Variants in LOXHD1 observed in about 807,000 individuals in gnomAD.
LOXHD1 encodes lipoxygenase homology domain-containing protein 1.
Under a neutral mutation model 248.2 loss-of-function variants are expected in LOXHD1, and 205 were observed. The ratio of observed to expected loss-of-function variants is 0.83; its 90% CI spans 0.74 to 0.93. The LOEUF is 0.93. Among genes scored for constraint, LOXHD1 ranks in the 40% least tolerant of loss-of-function variants. LOXHD1 has a pLI of 0.00. For synonymous variants in LOXHD1, 1,113 were observed against 1,162.8 expected (o/e 0.96, Z 0.87); for missense variants, 2,930 against 2,971.6 (o/e 0.99, Z 0.33).
chr18:46,498,701 A>G (rs896975658), intron 37 of LOXHD1, among the ~76,000 whole-genome samples: 7 of 152,156 alleles, frequency 4.6e-5, no homozygotes, highest in Non-Finnish European at 7.3e-5. Context: ...TAAAGACACA[A>G]GTCGTCATTG....
In LOXHD1 at chr18:46,521,234, A is replaced by T. The variant is rs1204306440; in HGVS notation, c.5134T>A (p.Leu1712Met). The T allele has an allele frequency of 2.4e-5, 37 of 1,550,808 alleles. No individual in the cohort carries two copies. Among genetic ancestry groups the T allele is most frequent in the Non-Finnish European group, 3.2e-5 (37 of 1,146,762 alleles). Residue 1712 changes from leucine (L) to methionine (M), a missense_variant, in exon 33 of 41, where the codon TTG becomes ATG. Physicochemically the swap from Leu to Met is conservative, Grantham distance 15. Transcript: ENST00000642948. ...SPESCWLVEE[L>M]CLAVPTQGTK... ...CCCTGGGTGGGCACTGCCAAACACA[A>T]CTCTTCCACCAGCCAGCAGCTCTCA...
At chr18:46,586,507 G>A (rs1357019704) in intron 12 of LOXHD1, among the ~76,000 whole-genome samples, 9 of 152,268 alleles carry the variant, frequency 5.9e-5, no homozygotes, top group Admixed American at 5.2e-4. Flanking sequence ...GTGCAATGGC[G>A]CGATCTCCGC....
chr18:46,502,326 C>G (rs892152023), intron 37 of LOXHD1, among the ~76,000 whole-genome samples: 1 of 152,066 alleles, frequency 6.6e-6, no homozygotes, highest in Non-Finnish European at 1.5e-5. Flanking sequence ...CAGGCTGAGA[C>G]AGAAGGTATG....
In LOXHD1 at chr18:46,509,787, T is replaced by G; in HGVS notation, c.5428A>C (p.Ile1810Leu). Reference protein sequence around the residue: ...RFEREQNDTFIMEILDIAPFT... With the variant: ...RFEREQNDTFLMEILDIAPFT... ...GGAGCAATGTCTAGGATCTCCATGA[T>G]GAAGGTGTCGTTCTGCTCCCGCTCA... Residue 1810 changes from isoleucine (I) to leucine (L), a missense_variant, in exon 35 of 41, where the codon ATC becomes CTC. Transcript: ENST00000642948. 1 of 1,549,318 alleles carries G rather than the reference T, an allele frequency of 6.5e-7. No homozygotes were observed. Among genetic ancestry groups the G allele is most frequent in the Non-Finnish European group, 8.7e-7 (1 of 1,146,638 alleles).
At chr18:46,585,766 C>G (rs1167295096) in intron 12 of LOXHD1, among the ~76,000 whole-genome samples, 1 of 152,026 alleles carries the variant, frequency 6.6e-6, no homozygotes, top group Non-Finnish European at 1.5e-5. Context: ...AGGAGAAGAA[C>G]AAGTGTTGAC....
At chr18:46,559,099 C>T in intron 20 of LOXHD1, 1 of 1,303,674 alleles carries the variant, frequency 7.7e-7, no homozygotes, top group Non-Finnish European at 1.0e-6. Flanking sequence ...TTAAGTTGCT[C>T]CCTCCCCCTA....
At chr18:46,614,905 T>A (rs2038564065) in intron 5 of LOXHD1, among the ~76,000 whole-genome samples, 1 of 152,162 alleles carries the variant, frequency 6.6e-6, no homozygotes. Context: ...GATTCATAAT[T>A]TCTTAAATAT....
At chr18:46,647,134 G>T (rs539999420) in intron 2 of LOXHD1, among the ~76,000 whole-genome samples, 1 of 152,314 alleles carries the variant, frequency 6.6e-6, no homozygotes, top group East Asian at 1.9e-4. Flanking sequence ...TGGGGTAATT[G>T]GGGAGGGTTG....
intron 37 of LOXHD1, among the ~76,000 whole-genome samples, chr18:46,493,910 C>T (rs2033661264): frequency 1.3e-5 from 2 of 152,204 alleles, no homozygotes; most frequent in Admixed American, 1.3e-4. Flanking sequence ...TATCTCTCAC[C>T]TCAATAAGGA....
intron 23 of LOXHD1, 136 bp from the exon 24 acceptor site, chr18:46,542,991 C>A: frequency 8.2e-7 from 1 of 1,218,344 alleles, no homozygotes; most frequent in East Asian, 2.6e-5. Flanking sequence ...CAATTATCAT[C>A]CATTGGCCAC....
chr18:46,509,639 G>A (rs750291039), intron 35 of LOXHD1, 59 bp downstream of exon 35: 32 of 1,268,662 alleles, frequency 2.5e-5, no homozygotes, highest in Middle Eastern at 1.8e-4. Context: ...CAAGCCAGAG[G>A]AACCAGGGGA....
rs775167365 is a variant in LOXHD1 at position 46,610,869 on chromosome 18, C to G, written c.666G>C (p.Arg222Ser). 1.3e-6 allele frequency: 2 copies of G among 1,551,812 alleles called. No individual in the cohort carries two copies. Among genetic ancestry groups the G allele is most frequent in the Admixed American group, 3.9e-5 (2 of 51,004 alleles). The change falls in exon 6 of 41, where the codon AGG (arginine) becomes AGC (serine). Residue 222 changes from arginine to serine, a missense_variant. By Grantham distance (110) the Arg-to-Ser change is moderately radical. Transcript: ENST00000642948. Reference protein sequence around the residue: ...KDNFEKGAEDRFILDAPDLGQ... With the variant: ...KDNFEKGAEDSFILDAPDLGQ... ...CCAAATCCGGGGCATCCAGGATGAACCTGTCTTCAGCTCCCTTTTCAAAGT... is the reference window on the plus strand; with the variant it reads ...CCAAATCCGGGGCATCCAGGATGAAGCTGTCTTCAGCTCCCTTTTCAAAGT...
rs1241678757 is a variant in LOXHD1 at position 46,592,570 on chromosome 18, A to G, written c.1446T>C (p.Asp482=). ...IIEKFRIELP[D]LGRFYKIRVW... is the part of the protein sequence containing the mutation. ...CTCGAATCTTATAAAACCTGCCAAG[A>G]TCCGGGAGCTCAATCTATGGTGAGA... The change falls in exon 11 of 41, where the codon GAT becomes GAC. Residue 482 remains aspartate (D), a synonymous_variant. Coordinates refer to ENST00000642948, the MANE Select transcript of LOXHD1 (RefSeq NM_001384474.1). 1 of 1,551,606 alleles carries G rather than the reference A, an allele frequency of 6.4e-7. No individual in the cohort carries two copies. The highest frequency in any genetic ancestry group is 8.7e-7 in the Non-Finnish European group (1 of 1,146,898).
chr18:46,520,170 C>G lies in LOXHD1; in HGVS notation c.5271+927G>C, dbSNP rs538734194. On this transcript the variant is annotated intron_variant, in intron 33 of 40. Transcript: ENST00000642948. ...ATAGAAAGTGCTGCTCTCTGAGTCTCTAGCAGGCGAGAGGCAGGAGAGTGG... is the reference window on the plus strand; with the variant it reads ...ATAGAAAGTGCTGCTCTCTGAGTCTGTAGCAGGCGAGAGGCAGGAGAGTGG... 6 of 458,588 alleles carry G rather than the reference C, an allele frequency of 1.3e-5. No individual in the cohort carries two copies. The East Asian group carries it at 3.5e-4, about 27-fold the overall frequency. 28.4% of individuals were successfully genotyped at this position (458,588 alleles called of 1,614,324 possible).
At chr18:46,511,304 C>T (rs1197407484) in intron 34 of LOXHD1, among the ~76,000 whole-genome samples, 4 of 152,186 alleles carry the variant, frequency 2.6e-5, no homozygotes, top group Non-Finnish European at 5.9e-5. Context: ...TGCCCCAGAC[C>T]CCCTCCAGAC....
chr18:46,520,680 T>G (rs1293915103), intron 33 of LOXHD1: 1 of 244,070 alleles, frequency 4.1e-6, no homozygotes, highest in Admixed American at 5.1e-5. Context: ...CCATCTTTCC[T>G]ATCACCACTC....
chr18:46,524,897 C>T lies in LOXHD1; in HGVS notation c.4551G>A (p.Glu1517=). ...ERGTADTFII[E]AADLGVIYKI... ...TGTAGATGACGCCTAGGTCAGCGGC[C>T]TCGATGATGAAGGTGTCAGCCTGGG... Residue 1517 remains glutamate, a synonymous_variant, in exon 30 of 41, where the codon GAG becomes GAA. Coordinates refer to ENST00000642948, the MANE Select transcript of LOXHD1 (RefSeq NM_001384474.1). 6.4e-7 allele frequency: 1 copy of T among 1,551,712 alleles called. No homozygotes were observed. The highest frequency in any genetic ancestry group is 2.0e-5 in the Admixed American group (1 of 51,016).
intron 5 of LOXHD1, among the ~76,000 whole-genome samples, chr18:46,615,075 A>C (rs992835072): frequency 6.6e-6 from 1 of 152,234 alleles, no homozygotes; most frequent in Non-Finnish European, 1.5e-5. Flanking sequence ...ATCAGGCTAC[A>C]TCATATAGTG....
At chr18:46,647,043 C>A (rs1429084233) in intron 2 of LOXHD1, among the ~76,000 whole-genome samples, 1 of 152,228 alleles carries the variant, frequency 6.6e-6, no homozygotes. Flanking sequence ...GGGCCCTGGC[C>A]AGACCTATGC....
Sources: gnomAD v4.1 joint callset for allele counts (sites outside exome capture counted in the v4.1 genomes callset) on GRCh38, gnomAD v4.1.1 for gene constraint, MANE v1.5 for transcripts, NCBI Gene and HGNC (gene_info 2026-07-23, HGNC 2026-07-21) for gene names.